The following GSTM4 variants were observed in gnomAD, a reference collection of about 807,000 sequenced individuals.
The protein encoded by GSTM4 is GST class-mu 4.
A neutral mutation model predicts 30.1 loss-of-function variants in GSTM4; 27 were observed. The observed-to-expected ratio is 0.90, with a 90% confidence interval of 0.66 to 1.24. The LOEUF (loss-of-function observed/expected upper bound fraction) is 1.24, where lower values mean the gene tolerates loss of function less well. Ranked by LOEUF, GSTM4 falls within the 50% of genes most tolerant of loss-of-function variation. GSTM4 has a pLI of 0.00. For missense variants in GSTM4, 238 were observed against 272.1 expected (o/e 0.87, Z 0.88); for synonymous variants, 94 against 96.2 (o/e 0.98, Z 0.13).
chr1:109,657,883 C>G lies in GSTM4; in HGVS notation c.360+11C>G. The G allele has an allele frequency of 6.2e-7, 1 of 1,611,052 alleles. No individual in the cohort carries two copies. The highest frequency in any genetic ancestry group is 8.5e-7 in the Non-Finnish European group (1 of 1,177,146). ...TACAGCCCTGACTTTGTGAGTCCCT[C>G]CCTGGTCTGGACCAGAAGCCAGGCT... is the stretch of plus-strand genomic sequence containing the variant. On this transcript the variant is annotated intron_variant, in intron 5 of 7. Transcript: ENST00000369836.
In GSTM4 at chr1:109,658,923, G is replaced by T. The variant is rs895719528; in HGVS notation, c.456+14G>T. 1 of 1,611,800 alleles carries T rather than the reference G, an allele frequency of 6.2e-7. No homozygotes were observed. Reference sequence around the variant, plus strand: ...GTTGGAGACAAGGTAATGGGGGCATGTGATGAGGACACTAGAGATTTGCCA... The same window carrying T: ...GTTGGAGACAAGGTAATGGGGGCATTTGATGAGGACACTAGAGATTTGCCA... On this transcript the variant is annotated intron_variant, in intron 6 of 7. Coordinates refer to ENST00000369836, the MANE Select transcript of GSTM4 (RefSeq NM_000850.5).
intron 5 of GSTM4, chr1:109,658,561 G>T: frequency 1.9e-6 from 1 of 513,016 alleles, no homozygotes; most frequent in Non-Finnish European, 3.5e-6. Flanking sequence ...CCCAGAGGAG[G>T]GTGGTTGGGA....
chr1:109,664,115 T>C (rs1289735058), downstream of GSTM4, among the ~76,000 whole-genome samples: 2 of 152,206 alleles, frequency 1.3e-5, no homozygotes, highest in Non-Finnish European at 2.9e-5. Flanking sequence ...CTATCATTAC[T>C]TCCTGTGGAT....
downstream of GSTM4, among the ~76,000 whole-genome samples, chr1:109,667,558 AT>A (rs1301789571): frequency 2.0e-5 from 3 of 152,190 alleles, no homozygotes; most frequent in Non-Finnish European, 2.9e-5. Flanking sequence ...TGACGTTTGG[AT>A]TTAGGCTGAT....
intron 5 of GSTM4, chr1:109,658,166 T>G: frequency 7.0e-6 from 3 of 426,446 alleles, no homozygotes; most frequent in Non-Finnish European, 8.6e-6. Flanking sequence ...ACCCAGCTGG[T>G]TCATGCCATC....
chr1:109,659,337 T>A (rs1489272190), intron 7 of GSTM4: 2 of 1,522,400 alleles, frequency 1.3e-6, no homozygotes, highest in African/African-American at 1.4e-5. Flanking sequence ...AAGAAAACTT[T>A]GAATGAGAGG....
chr1:109,661,154 C>T lies in GSTM4; in HGVS notation c.568-11C>T, dbSNP rs762930950. The T allele has an allele frequency of 8.7e-6, 14 of 1,612,748 alleles. No individual in the cohort carries two copies. The highest frequency in any genetic ancestry group is 1.2e-5 in the Non-Finnish European group (14 of 1,179,572). On this transcript the variant is annotated splice_polypyrimidine_tract_variant and intron_variant, in intron 7 of 7. Coordinates refer to ENST00000369836, the MANE Select transcript of GSTM4 (RefSeq NM_000850.5). The stretch of plus-strand genomic sequence containing the variant: ...GACCTTGAGTTCTGGCCTTATTTTC[C>T]CCCCTCTCAGGGCTTGGAGAAGATC...
chr1:109,661,324 C>G lies in GSTM4; in HGVS notation c.*70C>G. ...CTGCTGCCCAGGCTGTGCAGCGCAG[C>G]TGGACTCTGCATCCCAGCACCTGCC... On this transcript the variant is annotated 3_prime_UTR_variant, in exon 8 of 8. Coordinates refer to ENST00000369836, the MANE Select transcript of GSTM4 (RefSeq NM_000850.5). The G allele has an allele frequency of 6.2e-7, 1 of 1,606,558 alleles. No individual in the cohort carries two copies. The highest frequency in any genetic ancestry group is 8.5e-7 in the Non-Finnish European group (1 of 1,176,088).
Position 109,661,532 on chromosome 1 carries a change from C to T in GSTM4, c.*278C>T. On this transcript the variant is annotated 3_prime_UTR_variant, in exon 8 of 8. Transcript: ENST00000369836. ...ACTAAAGCCAGCCTGACCTTCCTTC[C>T]TGTTAGTGGTTGTATCTGCTTTGAA... 1 of 1,325,814 alleles carries T rather than the reference C, an allele frequency of 7.5e-7. No homozygotes were observed. The highest frequency in any genetic ancestry group is 9.7e-7 in the Non-Finnish European group (1 of 1,029,704). 82.1% of individuals were successfully genotyped at this position (1,325,814 alleles called of 1,614,324 possible). A position where few individuals can be genotyped will look rare whatever the true frequency, so the allele number is the denominator to read the frequency against.
downstream of GSTM4, chr1:109,661,841 G>GC (rs575214980): frequency 2.8e-6 from 1 of 362,792 alleles, no homozygotes; most frequent in Non-Finnish European, 3.9e-6. Context: ...TTCCAACTTT[G>GC]TTTTTTTTTT....
chr1:109,665,711 T>C (rs1000176947), downstream of GSTM4, among the ~76,000 whole-genome samples: 1 of 152,250 alleles, frequency 6.6e-6, no homozygotes, highest in Non-Finnish European at 1.5e-5. Flanking sequence ...TGAGATGCCT[T>C]GCAGTAAACT....
rs1443965434 is a variant in GSTM4, at chr1:109,659,221, T to C, written c.567+111T>C. The C allele has an allele frequency of 5.6e-6, 9 of 1,613,828 alleles. No homozygotes were observed. The Admixed American group carries it at 1.5e-4, about 27-fold the overall frequency. ...AGAATAACTTGCATTTATTGAGTGC[T>C]GGCTTCATGCCAGGAACCTTGCCCA... On this transcript the variant is annotated intron_variant, in intron 7 of 7. Coordinates refer to ENST00000369836, the MANE Select transcript of GSTM4 (RefSeq NM_000850.5).
At chr1:109,658,601 T>G (rs1335718596) in intron 5 of GSTM4, 1 of 585,670 alleles carries the variant, frequency 1.7e-6, no homozygotes, top group East Asian at 2.9e-5. Flanking sequence ...AGGGATAGTG[T>G]TGCATTCCTC....
chr1:109,656,188 G>A lies in GSTM4; in HGVS notation c.-202G>A. On this transcript the variant is annotated 5_prime_UTR_variant, in exon 1 of 8. It adds an upstream start codon to the 5' untranslated region. Transcript: ENST00000369836. ...CAGTGAGGATCCAGCAACCTGCTCC[G>A]TGCCTCCCGCGCCTGTTGGTTGGAA... is the stretch of plus-strand genomic sequence containing the variant. The A allele has an allele frequency of 8.1e-6, 5 of 616,022 alleles. No individual in the cohort carries two copies. Among genetic ancestry groups the A allele is most frequent in the South Asian group, 6.7e-5 (4 of 59,774 alleles). The allele number at this position is 616,022 out of a possible 1,614,324, so 38.2% of individuals were successfully genotyped here. A position where few individuals can be genotyped will look rare whatever the true frequency, so the allele number is the denominator to read the frequency against.
At chr1:109,656,845 C>T in intron 2 of GSTM4, 58 bp downstream of exon 2, 1 of 1,525,334 alleles carries the variant, frequency 6.6e-7, no homozygotes, top group Non-Finnish European at 9.1e-7. Flanking sequence ...CACCAAGCAA[C>T]CCATGGTGGC....
At chr1:109,660,447 G>C (rs963910119) in intron 7 of GSTM4, 3 of 153,704 alleles carry the variant, frequency 2.0e-5, no homozygotes, top group Non-Finnish European at 4.3e-5. Context: ...TCAGGTACCA[G>C]GTGGGGAGGT....
At chr1:109,658,788 G>A (rs376438563) in intron 5 of GSTM4, 26 bp from the exon 6 acceptor site, 78 of 1,532,362 alleles carry the variant, frequency 5.1e-5, no homozygotes, top group Non-Finnish European at 3.6e-6. Flanking sequence ...GTGTCTGAGG[G>A]TGGTGACAGC....
At chr1:109,665,288 TC>T (rs1412397950), downstream of GSTM4, 1 of 569,186 alleles carries the variant, frequency 1.8e-6, no homozygotes, top group African/African-American at 1.9e-5. Context: ...CTCCTGGTTC[TC>T]TGGCCTTCAG....
At chr1:109,659,782 C>T (rs865968688) in intron 7 of GSTM4, 1 of 549,836 alleles carries the variant, frequency 1.8e-6, no homozygotes, top group Non-Finnish European at 3.4e-6. Flanking sequence ...TCTCTTTTTT[C>T]CCTCCAGTGT....
Sources: gnomAD v4.1 joint callset for allele counts (sites outside exome capture counted in the v4.1 genomes callset) on GRCh38, gnomAD v4.1.1 for gene constraint, MANE v1.5 for transcripts, NCBI Gene and HGNC (gene_info 2026-07-23, HGNC 2026-07-21) for gene names.